The following SCMH1 variants were observed in gnomAD, a reference collection of about 807,000 sequenced individuals.
SCMH1 encodes polycomb protein SCMH1.
A neutral mutation model predicts 70.8 loss-of-function variants in SCMH1; 37 were observed. The observed-to-expected ratio is 0.52, with a 90% CI of 0.40 to 0.69. The LOEUF (loss-of-function observed/expected upper bound fraction) is 0.69, where lower values mean the gene tolerates loss of function less well. Ranked by LOEUF, SCMH1 falls within the 30% of genes least tolerant of loss-of-function variation. SCMH1 has a pLI of 0.00. For missense variants in SCMH1, 607 were observed against 827.3 expected (o/e 0.73, Z 3.27); for synonymous variants, 292 against 307.4 (o/e 0.95, Z 0.52).
chr1:41,028,472 C>A, intron 14 of SCMH1, 112 bp downstream of exon 15: 2 of 1,509,040 alleles, frequency 1.3e-6, no homozygotes, highest in South Asian at 1.2e-5. Flanking sequence ...CCTACCTGTT[C>A]TCCTCAGCCT....
intron 1 of SCMH1, among the ~76,000 whole-genome samples, chr1:41,207,355 C>T (rs1489366624): frequency 6.6e-6 from 1 of 151,762 alleles, no homozygotes; most frequent in African/African-American, 2.4e-5. Flanking sequence ...ATCTACCAAG[C>T]AAATGGAAAG....
At chr1:41,152,868 T>A in intron 4 of SCMH1, 2 of 883,526 alleles carry the variant, frequency 2.3e-6, no homozygotes, top group Non-Finnish European at 3.3e-6. Flanking sequence ...TACCCTTAAC[T>A]AAGCCAAATA....
At chr1:41,194,365 T>C (rs555439426) in intron 1 of SCMH1, among the ~76,000 whole-genome samples, 3 of 152,280 alleles carry the variant, frequency 2.0e-5, no homozygotes, top group East Asian at 1.9e-4. Flanking sequence ...CTATATCAAA[T>C]AGGAAATCAT....
At chr1:41,225,466 G>A (rs1030414612) in intron 1 of SCMH1, among the ~76,000 whole-genome samples, 6 of 152,146 alleles carry the variant, frequency 3.9e-5, no homozygotes, top group African/African-American at 1.4e-4. Context: ...CCGGGCTAGG[G>A]AATATAAAGA....
At chr1:41,226,742 T>C (rs911823243) in intron 1 of SCMH1, among the ~76,000 whole-genome samples, 4 of 152,174 alleles carry the variant, frequency 2.6e-5, no homozygotes, top group Non-Finnish European at 4.4e-5. Flanking sequence ...AAAATACAAA[T>C]ATGGCTTCAT....
intron 1 of SCMH1, among the ~76,000 whole-genome samples, chr1:41,206,801 G>C (rs1362732938): frequency 6.6e-6 from 1 of 152,130 alleles, no homozygotes; most frequent in Non-Finnish European, 1.5e-5. Context: ...AGAAAGGTCG[G>C]GTTACCCACA....
At chr1:41,046,329 G>T (rs1432162129) in intron 12 of SCMH1, 78 bp downstream of exon 12, 1 of 1,304,000 alleles carries the variant, frequency 7.7e-7, no homozygotes, top group Non-Finnish European at 1.1e-6. Flanking sequence ...TAGTTCTGAA[G>T]GCTGACCCTG....
intron 6 of SCMH1, among the ~76,000 whole-genome samples, chr1:41,124,193 T>C (rs1460023261): frequency 1.3e-5 from 2 of 152,206 alleles, no homozygotes; most frequent in African/African-American, 2.4e-5. Flanking sequence ...CATCTACATA[T>C]ATTAATGCTT....
chr1:41,237,839 G>C (rs530048221), intron 1 of SCMH1, among the ~76,000 whole-genome samples: 7 of 152,198 alleles, frequency 4.6e-5, no homozygotes, highest in Non-Finnish European at 1.0e-4. Context: ...ACCTCCCTTA[G>C]AGTACTCACT....
rs542243316 is a variant in SCMH1, at chr1:41,074,900, T to C, written c.978+319A>G. 5.9e-5 allele frequency among the ~76,000 whole-genome samples: 9 copies of C among 152,338 alleles called. No homozygotes were observed. The East Asian group carries it at 1.5e-3, about 26-fold the overall frequency. ...TCTTTTGAGACGGAGTCTCGCTCTG[T>C]CACCCAGGCTGCAGTGCAGTGGCAC... On this transcript the variant is annotated intron_variant, in intron 9 of 14. Coordinates refer to ENST00000337495, the Ensembl canonical transcript of SCMH1.
chr1:41,173,255 T>TC (rs372004839), intron 2 of SCMH1, among the ~76,000 whole-genome samples: 1 of 148,932 alleles, frequency 6.7e-6, no homozygotes, highest in South Asian at 2.1e-4. Flanking sequence ...AACAAAAAAC[T>TC]CCCCCCCAAA....
chr1:41,037,475 G>C, exon 13 of SCMH1: 1 of 1,614,238 alleles, frequency 6.2e-7, no homozygotes, highest in South Asian at 1.1e-5. Context: ...ATTTGAGGCA[G>C]AGTCCATTGA....
At chr1:41,162,350 C>T (rs531374794) in intron 2 of SCMH1, among the ~76,000 whole-genome samples, 6 of 152,264 alleles carry the variant, frequency 3.9e-5, no homozygotes, top group African/African-American at 1.2e-4. Context: ...CAGAAAAGGG[C>T]GGATCCCTGG....
intron 8 of SCMH1, among the ~76,000 whole-genome samples, chr1:41,094,371 A>G (rs968987380): frequency 3.3e-5 from 5 of 152,180 alleles, no homozygotes; most frequent in Non-Finnish European, 5.9e-5. Context: ...ATCAATGCAA[A>G]TATTAACCCA....
chr1:41,075,488 C>G, intron 8 of SCMH1, 37 bp from the exon 9 acceptor site: 1 of 1,540,760 alleles, frequency 6.5e-7, no homozygotes, highest in Non-Finnish European at 9.0e-7. Context: ...CCCTCCCTCC[C>G]CCCTGCATTC....
At chr1:41,093,201 G>T (rs1450377108) in intron 8 of SCMH1, among the ~76,000 whole-genome samples, 3 of 151,866 alleles carry the variant, frequency 2.0e-5, no homozygotes, top group African/African-American at 2.4e-5. Context: ...CCATAAAAAA[G>T]GATGAGTTCA....
At chr1:41,235,615 A>G (rs1662232126) in intron 1 of SCMH1, among the ~76,000 whole-genome samples, 1 of 151,378 alleles carries the variant, frequency 6.6e-6, no homozygotes, top group South Asian at 2.1e-4. Flanking sequence ...CAGATATATA[A>G]AAGGCATAAA....
chr1:41,203,558 C>G (rs1573032327), intron 1 of SCMH1, among the ~76,000 whole-genome samples: 1 of 152,180 alleles, frequency 6.6e-6, no homozygotes, highest in Non-Finnish European at 1.5e-5. Context: ...GGTCCCAAAA[C>G]TGGCCATAAA....
chr1:41,213,458 C>T (rs1657463689), intron 1 of SCMH1, among the ~76,000 whole-genome samples: 1 of 152,152 alleles, frequency 6.6e-6, no homozygotes, highest in African/African-American at 2.4e-5. Flanking sequence ...TCCATCTCCT[C>T]CTCTGTAGCA....
Sources: gnomAD v4.1 joint callset for allele counts (sites outside exome capture counted in the v4.1 genomes callset) on GRCh38, gnomAD v4.1.1 for gene constraint, MANE v1.5 for transcripts, NCBI Gene and HGNC (gene_info 2026-07-23, HGNC 2026-07-21) for gene names.